Variants in ATRNL1 observed in about 807,000 individuals in gnomAD.
ATRNL1 encodes the protein attractin like 1.
A neutral mutation model predicts 182.7 loss-of-function variants in ATRNL1; 95 were observed. The observed-to-expected ratio is 0.52, with a 90% CI of 0.44 to 0.62. ATRNL1 has a LOEUF of 0.62. ATRNL1 is among the 20% of genes least tolerant of loss of function. The pLI is 0.00. For synonymous variants in ATRNL1, 576 were observed against 568.3 expected, an observed-to-expected ratio of 1.01 and a Z score of -0.19; for missense variants, 1,471 against 1,679.5, an observed-to-expected ratio of 0.88 and a Z score of 2.17.
chr10:115,414,141 T>C (rs1326671824), intron 20 of ATRNL1, among the ~76,000 whole-genome samples: 1 of 152,114 alleles, frequency 6.6e-6, no homozygotes, highest in Non-Finnish European at 1.5e-5. Context: ...AATTCTATAT[T>C]GTAATCTAAA....
intron 7 of ATRNL1, among the ~76,000 whole-genome samples, chr10:115,170,758 C>T (rs1199307179): frequency 6.6e-6 from 1 of 151,950 alleles, no homozygotes; most frequent in Non-Finnish European, 1.5e-5. Flanking sequence ...TACTGTATGA[C>T]AATTAAAAGT....
At chr10:115,462,495 C>T (rs542179837) in intron 22 of ATRNL1, among the ~76,000 whole-genome samples, 73 of 152,034 alleles carry the variant, frequency 4.8e-4, no homozygotes, top group Non-Finnish European at 7.8e-4. Context: ...GCCTATAGTC[C>T]CAGCTACTGA....
At chr10:115,405,385 C>T (rs1160349910) in intron 20 of ATRNL1, among the ~76,000 whole-genome samples, 1 of 152,176 alleles carries the variant, frequency 6.6e-6, no homozygotes, top group Non-Finnish European at 1.5e-5. Flanking sequence ...ATTTCTGGAG[C>T]TCCAGTGTAG....
At chr10:115,292,245 T>C (rs9630104) in intron 15 of ATRNL1, among the ~76,000 whole-genome samples, 43,886 of 151,422 alleles carry the variant, frequency 0.29, 7,154 homozygotes, top group East Asian at 0.68. Context: ...TCCTCTCTCT[T>C]TCTTGTTTGG....
chr10:115,519,256 T>G lies in ATRNL1; in HGVS notation c.3655-7T>G. 6.2e-7 allele frequency: 1 copy of G among 1,609,238 alleles called. No individual in the cohort carries two copies. Among genetic ancestry groups the G allele is most frequent in the Non-Finnish European group, 8.5e-7 (1 of 1,177,608 alleles). ...TACTTTCAATTTTTTTTATTTTGAT[T>G]TTTCAGATTGCATTCTCACAACACA... On this transcript the variant is annotated splice_region_variant and splice_polypyrimidine_tract_variant and intron_variant, in intron 24 of 28. Coordinates refer to ENST00000355044, the MANE Select transcript of ATRNL1 (RefSeq NM_207303.4).
chr10:115,663,621 G>A (rs1432352567), intron 26 of ATRNL1, among the ~76,000 whole-genome samples: 1 of 151,996 alleles, frequency 6.6e-6, no homozygotes, highest in Non-Finnish European at 1.5e-5. Context: ...CGAAAAGTGT[G>A]TGTTAGAGGC....
chr10:115,790,518 T>C (rs1207143710), intron 27 of ATRNL1, among the ~76,000 whole-genome samples: 1 of 152,052 alleles, frequency 6.6e-6, no homozygotes, highest in African/African-American at 2.4e-5. Context: ...CAAACAATAA[T>C]TCAGTTAAGC....
At chr10:115,409,986 A>G (rs1283628307) in intron 20 of ATRNL1, among the ~76,000 whole-genome samples, 1 of 152,098 alleles carries the variant, frequency 6.6e-6, no homozygotes, top group Non-Finnish European at 1.5e-5. Context: ...AGATTATCAT[A>G]TGGCTTTTTT....
At chr10:115,344,398 C>T (rs1217711811) in intron 19 of ATRNL1, among the ~76,000 whole-genome samples, 1 of 152,198 alleles carries the variant, frequency 6.6e-6, no homozygotes, top group African/African-American at 2.4e-5. Context: ...AGAGCCTCAC[C>T]TCATAGCCAC....
intron 8 of ATRNL1, among the ~76,000 whole-genome samples, chr10:115,214,516 T>C (rs1449247443): frequency 9.9e-5 from 15 of 152,088 alleles, no homozygotes; most frequent in African/African-American, 3.6e-4. Context: ...ATGATCATTG[T>C]AGAATCATTT....
intron 8 of ATRNL1, among the ~76,000 whole-genome samples, chr10:115,200,725 T>A (rs1848537045): frequency 7.0e-6 from 1 of 142,066 alleles, no homozygotes; most frequent in South Asian, 2.4e-4. Context: ...TGATTTATAG[T>A]CCTTTGGGTA....
intron 19 of ATRNL1, among the ~76,000 whole-genome samples, chr10:115,358,747 C>G (rs1479360192): frequency 1.3e-5 from 2 of 151,618 alleles, no homozygotes; most frequent in African/African-American, 2.4e-5. Context: ...CTACCTGATT[C>G]TAACAGTGGT....
intron 19 of ATRNL1, among the ~76,000 whole-genome samples, chr10:115,383,102 TTTTG>T (rs1292454537): frequency 3.5e-5 from 5 of 141,818 alleles, no homozygotes; most frequent in African/African-American, 1.2e-4. Context: ...ATTCGGTTAT[TTTTG>T]TTTGTTTTTC....
At chr10:115,495,907 A>T (rs1849528004) in intron 24 of ATRNL1, among the ~76,000 whole-genome samples, 1 of 152,038 alleles carries the variant, frequency 6.6e-6, no homozygotes, top group Admixed American at 6.6e-5. Context: ...TCTGTCTAAT[A>T]TTGCCATTGG....
chr10:115,936,906 T>A (rs1236847799), intron 28 of ATRNL1, among the ~76,000 whole-genome samples: 1 of 152,154 alleles, frequency 6.6e-6, no homozygotes, highest in East Asian at 1.9e-4. Context: ...TACTTAACAA[T>A]CTGGAAAGGT....
chr10:115,686,188 A>G (rs1329822903), intron 26 of ATRNL1, among the ~76,000 whole-genome samples: 2 of 151,952 alleles, frequency 1.3e-5, no homozygotes, highest in Non-Finnish European at 2.9e-5. Flanking sequence ...TGCTATTTTT[A>G]TCTAAATTCT....
chr10:115,802,357 A>G (rs61211775), intron 27 of ATRNL1, among the ~76,000 whole-genome samples: 8,883 of 152,250 alleles, frequency 0.058, 847 homozygotes, highest in African/African-American at 0.2. Context: ...TCTCCACTCT[A>G]TCATATAGAA....
chr10:115,597,773 G>T (rs782272551), intron 26 of ATRNL1: 2 of 395,490 alleles, frequency 5.1e-6, no homozygotes, highest in Admixed American at 6.1e-5. Context: ...GACCTCAGGC[G>T]ATCTGCCCAC....
At chr10:115,135,314 A>G (rs1845453428) in intron 5 of ATRNL1, among the ~76,000 whole-genome samples, 1 of 152,232 alleles carries the variant, frequency 6.6e-6, no homozygotes, top group African/African-American at 2.4e-5. Flanking sequence ...AATCTCCTTA[A>G]GCTGATAAGC....
Sources: allele counts gnomAD v4.1 joint callset (sites outside exome capture counted in the v4.1 genomes callset), GRCh38; gene constraint gnomAD v4.1.1; transcripts MANE v1.5; gene names NCBI Gene and HGNC (gene_info 2026-07-23, HGNC 2026-07-21).